ANKS6: variants seen among roughly 807,000 people sequenced by gnomAD.
ANKS6 encodes ankyrin repeat and sterile alpha motif domain containing 6.
A neutral mutation model predicts 77.9 loss-of-function variants in ANKS6; 47 were observed. The ratio of observed to expected loss-of-function variants is 0.60; its 90% CI spans 0.48 to 0.77. The LOEUF (loss-of-function observed/expected upper bound fraction) is 0.77, where lower values mean the gene tolerates loss of function less well. Among genes scored for constraint, ANKS6 ranks in the 30% least tolerant of loss-of-function variants. The probability of loss-of-function intolerance (pLI) is 0.00; values close to 1 mark genes in which losing one functional copy is unlikely to be tolerated. For missense variants in ANKS6, 1,150 were observed against 1,159.1 expected, an observed-to-expected ratio of 0.99 and a Z score of 0.11; for synonymous variants, 488 against 501.7, an observed-to-expected ratio of 0.97 and a Z score of 0.37.
intron 8 of ANKS6, among the ~76,000 whole-genome samples, chr9:98,776,241 C>G (rs1413154594): frequency 6.6e-6 from 1 of 152,034 alleles, no homozygotes; most frequent in African/African-American, 2.4e-5. Context: ...TGAGGGATCC[C>G]CGAAGTCAGA....
intron 10 of ANKS6, among the ~76,000 whole-genome samples, 171 bp from the exon 11 acceptor site, chr9:98,768,421 G>A (rs1833425578): frequency 6.6e-6 from 1 of 152,172 alleles, no homozygotes; most frequent in Non-Finnish European, 1.5e-5. Context: ...GAACCAGGAG[G>A]TAGATGTTTA....
At chr9:98,769,127 G>GAAAAA (rs367857301) in intron 10 of ANKS6, among the ~76,000 whole-genome samples, 2 of 102,962 alleles carry the variant, frequency 1.9e-5, no homozygotes, top group Non-Finnish European at 2.0e-5. Context: ...CTGTCTCAAA[G>GAAAAA]AAAAAAAAAA....
chr9:98,733,982 G>A lies in ANKS6; in HGVS notation c.*2537C>T. ...GCTGGGGACACGTGTGGGAAGGGAAGGGGGTGATCAAGGACCAAAAATCAG... is the reference window on the plus strand; with the variant it reads ...GCTGGGGACACGTGTGGGAAGGGAAAGGGGTGATCAAGGACCAAAAATCAG... On this transcript the variant is annotated 3_prime_UTR_variant, in exon 15 of 15. Transcript: ENST00000353234. 1.0e-6 allele frequency: 1 copy of A among 985,438 alleles called. No homozygotes were observed. The highest frequency in any genetic ancestry group is 1.2e-6 in the Non-Finnish European group (1 of 829,970). The allele number at this position is 985,438 out of a possible 1,614,324, so 61.0% of individuals were successfully genotyped here.
intron 2 of ANKS6, among the ~76,000 whole-genome samples, chr9:98,785,660 G>C (rs1436979013): frequency 6.6e-6 from 1 of 152,122 alleles, no homozygotes; most frequent in African/African-American, 2.4e-5. Flanking sequence ...GCTTGCTGGG[G>C]GGCTGAAGGC....
intron 10 of ANKS6, among the ~76,000 whole-genome samples, chr9:98,768,805 T>C (rs1458975837): frequency 6.6e-6 from 1 of 152,198 alleles, no homozygotes; most frequent in Non-Finnish European, 1.5e-5. Flanking sequence ...CTCACCCTGC[T>C]TCCCAAATCT....
intron 14 of ANKS6, among the ~76,000 whole-genome samples, chr9:98,740,838 C>T (rs1831787634): frequency 6.6e-6 from 1 of 152,186 alleles, no homozygotes; most frequent in Non-Finnish European, 1.5e-5. Flanking sequence ...AACTATCTAG[C>T]ATCTCAAAAA....
At chr9:98,793,581 C>T (rs1231450499) in intron 1 of ANKS6, among the ~76,000 whole-genome samples, 2 of 151,902 alleles carry the variant, frequency 1.3e-5, no homozygotes, top group Non-Finnish European at 2.9e-5. Context: ...AGTGCAGTGG[C>T]GCGATCTCAG....
intron 4 of ANKS6, 37 bp downstream of exon 4, chr9:98,783,916 C>A: frequency 4.7e-6 from 7 of 1,501,300 alleles, no homozygotes; most frequent in South Asian, 1.3e-5. Context: ...GAGCATCTGT[C>A]TGGCCTTGTC....
intron 7 of ANKS6, among the ~76,000 whole-genome samples, chr9:98,777,903 G>A (rs1003253445): frequency 1.3e-5 from 2 of 152,194 alleles, no homozygotes; most frequent in Non-Finnish European, 2.9e-5. Flanking sequence ...TGCTTTCAGT[G>A]TCATAGACCA....
intron 11 of ANKS6, among the ~76,000 whole-genome samples, chr9:98,763,927 AATAGAAC>A (rs1295536243): frequency 2.0e-5 from 3 of 152,170 alleles, no homozygotes; most frequent in Non-Finnish European, 4.4e-5. Context: ...CCCAAGTAGA[AATAGAAC>A]ACCTGAATAG....
chr9:98,795,921 G>C, intron 1 of ANKS6: 1 of 468,200 alleles, frequency 2.1e-6, no homozygotes, highest in Non-Finnish European at 3.4e-6. Flanking sequence ...ATTCTGAAAG[G>C]CCAAAATTTC....
intron 12 of ANKS6, among the ~76,000 whole-genome samples, chr9:98,755,512 T>A (rs1358644452): frequency 1.8e-4 from 27 of 152,184 alleles, no homozygotes; most frequent in Admixed American, 1.8e-3. Flanking sequence ...TCCCTCATCA[T>A]TCCCGCATGG....
Position 98,790,388 on chromosome 9 carries a change from G to C in ANKS6, c.578C>G (p.Thr193Arg), listed in dbSNP as rs750745095. 2.5e-6 allele frequency: 4 copies of C among 1,613,778 alleles called. No homozygotes were observed. The highest frequency in any genetic ancestry group is 1.7e-5 in the Admixed American group (1 of 60,026). The stretch of plus-strand genomic sequence containing the variant: ...GTGCTGGATGGCAGCCATCAGGGCT[G>C]TGATGTCCAAGGGCTCATCCCTGCT... The part of the protein sequence containing the change: ...GGSRDEPLDI[T>R]ALMAAIQHGH... Residue 193 changes from threonine to arginine, a missense_variant, in exon 2 of 15, where the codon ACA (threonine) becomes AGA (arginine). Thr to Arg is a moderately conservative substitution (Grantham distance 71). Transcript: ENST00000353234.
At position 98,732,234 on chromosome 9, in the gene ANKS6, AG is replaced by A; in HGVS notation, c.*4284del. The A allele has an allele frequency of 2.0e-6, 1 of 510,072 alleles. No homozygotes were observed. The allele number at this position is 510,072 out of a possible 1,614,324, so 31.6% of individuals were successfully genotyped here. A position where few individuals can be genotyped will look rare whatever the true frequency, so the allele number is the denominator to read the frequency against. Reference sequence around the variant, plus strand: ...TCAGGAGGCATTTACTTGGAAGTACAGGTCAGCGTTATCCAAAGTTGTCCAG... The same window carrying A: ...TCAGGAGGCATTTACTTGGAAGTACAGTCAGCGTTATCCAAAGTTGTCCAG... On this transcript the variant is annotated 3_prime_UTR_variant, in exon 15 of 15. Transcript: ENST00000353234.
At chr9:98,752,992 G>C (rs1045864192) in intron 12 of ANKS6, among the ~76,000 whole-genome samples, 3 of 151,752 alleles carry the variant, frequency 2.0e-5, no homozygotes, top group Non-Finnish European at 2.9e-5. Flanking sequence ...TGCTCCTGCT[G>C]TTCCCTACAC....
chr9:98,788,249 A>G (rs778890801), intron 2 of ANKS6, among the ~76,000 whole-genome samples: 14 of 152,202 alleles, frequency 9.2e-5, no homozygotes, highest in Admixed American at 5.9e-4. Flanking sequence ...GGCTAAGGAA[A>G]CCTGGGATGG....
chr9:98,744,194 T>C (rs1831993832), intron 14 of ANKS6, among the ~76,000 whole-genome samples: 1 of 152,244 alleles, frequency 6.6e-6, no homozygotes, highest in Non-Finnish European at 1.5e-5. Context: ...GGAAAACTAC[T>C]TGGCCTTGGG....
chr9:98,780,895 G>T (rs1202273068), intron 5 of ANKS6, among the ~76,000 whole-genome samples: 5 of 150,246 alleles, frequency 3.3e-5, no homozygotes, highest in Admixed American at 1.3e-4. Context: ...TTTTCTTGAT[G>T]ACTATTTCTT....
At chr9:98,756,698 T>C in intron 11 of ANKS6, 95 bp from the exon 12 acceptor site, 1 of 1,017,926 alleles carries the variant, frequency 9.8e-7, no homozygotes, top group African/African-American at 1.7e-5. Flanking sequence ...GGGTGGTATT[T>C]GATTCAACAT....
Sources: allele counts gnomAD v4.1 joint callset (sites outside exome capture counted in the v4.1 genomes callset), GRCh38; gene constraint gnomAD v4.1.1; transcripts MANE v1.5; gene names NCBI Gene and HGNC (gene_info 2026-07-23, HGNC 2026-07-21).